Variants in COLGALT2 observed in about 807,000 individuals in gnomAD.
COLGALT2 encodes procollagen galactosyltransferase 2.
COLGALT2 carries 49 observed loss-of-function variants against 73.4 expected under a neutral mutation model. The observed-to-expected ratio is 0.67, with a 90% CI of 0.53 to 0.85. COLGALT2 has a LOEUF of 0.85. COLGALT2 is among the 40% of genes least tolerant of loss of function. COLGALT2 has a pLI of 0.00. For synonymous variants in COLGALT2, 295 were observed against 307.6 expected, an observed-to-expected ratio of 0.96 and a Z score of 0.43; for missense variants, 722 against 790.2, an observed-to-expected ratio of 0.91 and a Z score of 1.03.
intron 10 of COLGALT2, among the ~76,000 whole-genome samples, chr1:183,942,175 C>T (rs1670133232): frequency 6.6e-6 from 1 of 152,058 alleles, no homozygotes; most frequent in African/African-American, 2.4e-5. Context: ...GTCTCGATCT[C>T]CTGACCTCGT....
In COLGALT2 at chr1:184,037,361, C is replaced by T; in HGVS notation, c.-4G>A. 1 of 1,428,816 alleles carries T rather than the reference C, an allele frequency of 7.0e-7. No individual in the cohort carries two copies. The highest frequency in any genetic ancestry group is 9.2e-7 in the Non-Finnish European group (1 of 1,088,808). 88.5% of individuals were successfully genotyped at this position (1,428,816 alleles called of 1,614,324 possible). On this transcript the variant is annotated 5_prime_UTR_variant, in exon 1 of 12. Coordinates refer to ENST00000361927, the MANE Select transcript of COLGALT2 (RefSeq NM_015101.4). The stretch of plus-strand genomic sequence containing the variant: ...TGGCAGCAGGGCGCGCAGCCATGTT[C>T]CGGGCCGAGGCGGGCGGCGGGGAAG...
At chr1:183,957,929 T>G (rs754134978) in intron 6 of COLGALT2, among the ~76,000 whole-genome samples, 1 of 152,168 alleles carries the variant, frequency 6.6e-6, no homozygotes, top group African/African-American at 2.4e-5. Context: ...TTTTACATGA[T>G]GTACTGTTGT....
chr1:183,960,749 ATGTGATTCTTTT>A (rs1670677160), intron 6 of COLGALT2, among the ~76,000 whole-genome samples: 2 of 151,942 alleles, frequency 1.3e-5, no homozygotes, highest in African/African-American at 4.8e-5. Context: ...TTAAAACGCT[ATGTGATTCTTTT>A]TGTGATTTTT....
At chr1:183,976,141 A>G (rs1404754570) in intron 2 of COLGALT2, among the ~76,000 whole-genome samples, 2 of 152,078 alleles carry the variant, frequency 1.3e-5, no homozygotes, top group African/African-American at 4.8e-5. Flanking sequence ...TTGGCATATA[A>G]TATATTTAGT....
intron 1 of COLGALT2, among the ~76,000 whole-genome samples, chr1:184,014,838 G>A (rs1648949141): frequency 6.6e-6 from 1 of 152,154 alleles, no homozygotes. Context: ...ACTAGCTTTA[G>A]TTTTATTGAT....
At chr1:183,963,430 C>T (rs1670772444) in intron 6 of COLGALT2, among the ~76,000 whole-genome samples, 1 of 152,240 alleles carries the variant, frequency 6.6e-6, no homozygotes, top group East Asian at 1.9e-4. Context: ...ACAGTGATAT[C>T]TGTTACATCA....
chr1:183,969,751 T>C (rs934777630), intron 4 of COLGALT2, among the ~76,000 whole-genome samples: 19 of 152,224 alleles, frequency 1.2e-4, no homozygotes, highest in African/African-American at 3.9e-4. Context: ...GTATTTTATG[T>C]TGACTTATGA....
downstream of COLGALT2, among the ~76,000 whole-genome samples, chr1:183,932,913 C>T (rs1669876596): frequency 6.6e-6 from 1 of 152,174 alleles, no homozygotes; most frequent in Admixed American, 6.5e-5. Context: ...CCTTCTGTGT[C>T]TGTCCACAGT....
At chr1:183,980,435 A>C (rs944962802) in intron 1 of COLGALT2, among the ~76,000 whole-genome samples, 9 of 152,096 alleles carry the variant, frequency 5.9e-5, no homozygotes, top group Non-Finnish European at 1.0e-4. Context: ...TGTGTAAGCA[A>C]CTACTTTGTA....
chr1:183,995,669 T>A (rs1489825256), intron 1 of COLGALT2, among the ~76,000 whole-genome samples: 1 of 152,172 alleles, frequency 6.6e-6, no homozygotes, highest in Non-Finnish European at 1.5e-5. Context: ...TTTGACTATT[T>A]GTTTTTCTAA....
In COLGALT2 at chr1:183,936,100, G is replaced by A. The variant is rs138555573; in HGVS notation, c.*2661C>T. 6.8e-4 allele frequency: 670 copies of A among 985,632 alleles called. 8 individuals carry two copies. The East Asian group carries it at 0.037, about 54-fold the overall frequency. The allele number at this position is 985,632 out of a possible 1,614,324, so 61.1% of individuals were successfully genotyped here. A position where few individuals can be genotyped will look rare whatever the true frequency, so the allele number is the denominator to read the frequency against. On this transcript the variant is annotated 3_prime_UTR_variant, in exon 12 of 12. Transcript: ENST00000361927. ...CGGTTGTCTGTCCAGAAGATCCCAC[G>A]TTAGATCCCAAGAGAAATCCAGACA... is the stretch of plus-strand genomic sequence containing the variant.
intron 1 of COLGALT2, among the ~76,000 whole-genome samples, chr1:184,012,841 T>C (rs1258305721): frequency 6.6e-6 from 1 of 152,206 alleles, no homozygotes; most frequent in Non-Finnish European, 1.5e-5. Flanking sequence ...AAAGTGGCTA[T>C]TGATGTGAAA....
chr1:184,029,534 C>T (rs1192847959), intron 1 of COLGALT2, among the ~76,000 whole-genome samples: 1 of 152,166 alleles, frequency 6.6e-6, no homozygotes, highest in Non-Finnish European at 1.5e-5. Context: ...GCTGCCTGGA[C>T]AAAATCCAGG....
chr1:183,980,295 G>A (rs1387054414), intron 1 of COLGALT2, among the ~76,000 whole-genome samples: 2 of 151,828 alleles, frequency 1.3e-5, no homozygotes, highest in African/African-American at 4.8e-5. Flanking sequence ...AAACTAAAAT[G>A]CTACTTCTTT....
At chr1:183,960,093 C>T (rs553250499) in intron 6 of COLGALT2, among the ~76,000 whole-genome samples, 12 of 152,264 alleles carry the variant, frequency 7.9e-5, no homozygotes, top group South Asian at 6.2e-4. Context: ...GAACAATCTG[C>T]GGGGTACAGT....
At chr1:184,001,259 TA>T (rs869124740) in intron 1 of COLGALT2, among the ~76,000 whole-genome samples, 2 of 152,086 alleles carry the variant, frequency 1.3e-5, no homozygotes, top group Non-Finnish European at 2.9e-5. Context: ...TCTACTTTTT[TA>T]AAAAAAATAA....
At position 183,945,463 on chromosome 1, in the gene COLGALT2, C is replaced by T. The variant is rs752254955; in HGVS notation, c.1238G>A (p.Cys413Tyr). The change falls in exon 9 of 12, where the codon TGC becomes TAC. Residue 413 changes from cysteine (C) to tyrosine (Y), a missense_variant. Physicochemically the swap from Cys to Tyr is radical, Grantham distance 194 (BLOSUM62 -2). Coordinates refer to ENST00000361927, the MANE Select transcript of COLGALT2 (RefSeq NM_015101.4). ...CCAGACTGAGTAGTGGCTGAGAAAG[C>T]AGCCGATTTCACCCCTTGTTAGAGG... ...SRPLTRGEIG[C>Y]FLSHYSVWKE... The T allele has an allele frequency of 1.2e-6, 2 of 1,614,158 alleles. No homozygotes were observed. Among genetic ancestry groups the T allele is most frequent in the Non-Finnish European group, 1.7e-6 (2 of 1,180,022 alleles).
At chr1:183,951,611 T>A (rs1670404011) in intron 7 of COLGALT2, among the ~76,000 whole-genome samples, 1 of 152,000 alleles carries the variant, frequency 6.6e-6, no homozygotes, top group South Asian at 2.1e-4. Flanking sequence ...TACAAAAAAA[T>A]TTAATAATAC....
Position 183,936,998 on chromosome 1 carries a change from T to C in COLGALT2, c.*1763A>G. The C allele has an allele frequency of 8.1e-7, 1 of 1,231,770 alleles. No individual in the cohort carries two copies. The highest frequency in any genetic ancestry group is 1.0e-6 in the Non-Finnish European group (1 of 987,990). The allele number at this position is 1,231,770 out of a possible 1,614,324, so 76.3% of individuals were successfully genotyped here. On this transcript the variant is annotated 3_prime_UTR_variant, in exon 12 of 12. Coordinates refer to ENST00000361927, the MANE Select transcript of COLGALT2 (RefSeq NM_015101.4). ...CCTATTTGGTGATGAGACAGCTTGG[T>C]GATCACTTTCTCTAGACTCTGAGCC... is the stretch of plus-strand genomic sequence containing the variant.
Sources: gnomAD v4.1 joint callset for allele counts (sites outside exome capture counted in the v4.1 genomes callset) on GRCh38, gnomAD v4.1.1 for gene constraint, MANE v1.5 for transcripts, NCBI Gene and HGNC (gene_info 2026-07-23, HGNC 2026-07-21) for gene names.